Variants in ADGRL3 observed in about 807,000 individuals in gnomAD.
ADGRL3 encodes the protein adhesion G protein-coupled receptor L3, also known as calcium-independent alpha-latrotoxin receptor 3.
Under a neutral mutation model 153.5 loss-of-function variants are expected in ADGRL3, and 62 were observed. The ratio of observed to expected loss-of-function variants is 0.40; its 90% confidence interval spans 0.33 to 0.50. The LOEUF (loss-of-function observed/expected upper bound fraction) is 0.50. Ranked by LOEUF, ADGRL3 falls within the 20% of genes least tolerant of loss-of-function variation. The pLI, the probability that ADGRL3 is intolerant of heterozygous loss-of-function variation, is 0.47. For missense variants in ADGRL3, 1,641 were observed against 1,859.4 expected, an observed-to-expected ratio of 0.88 and a Z score of 2.16; for synonymous variants, 710 against 672.5, an observed-to-expected ratio of 1.06 and a Z score of -0.86.
intron 5 of ADGRL3, among the ~76,000 whole-genome samples, chr4:61,665,198 G>T (rs1487466238): frequency 6.6e-6 from 1 of 152,116 alleles, no homozygotes; most frequent in Non-Finnish European, 1.5e-5. Context: ...ATAACCAGAG[G>T]TTAAGAGTTC....
intron 2 of ADGRL3, among the ~76,000 whole-genome samples, chr4:61,445,092 A>G (rs1578895504): frequency 6.6e-6 from 1 of 152,264 alleles, no homozygotes; most frequent in East Asian, 1.9e-4. Context: ...TGTGGAGGAT[A>G]ATTTCACTGT....
At chr4:61,634,697 A>G (rs1343973790) in intron 5 of ADGRL3, among the ~76,000 whole-genome samples, 3 of 152,158 alleles carry the variant, frequency 2.0e-5, no homozygotes, top group Admixed American at 6.6e-5. Context: ...TTTATTTAAG[A>G]TGTAGAAAGT....
intron 5 of ADGRL3, among the ~76,000 whole-genome samples, chr4:61,610,981 A>G (rs1002014104): frequency 2.6e-5 from 4 of 152,148 alleles, no homozygotes; most frequent in Non-Finnish European, 5.9e-5. Context: ...CTTTCCCCAC[A>G]CGAGACCATT....
chr4:61,420,358 A>G (rs888178867), intron 2 of ADGRL3: 6 of 148,384 alleles, frequency 4.0e-5, no homozygotes, highest in African/African-American at 1.2e-4. Context: ...TATTTTTATC[A>G]TGATGAACCC....
chr4:61,399,799 C>G (rs564762679), intron 2 of ADGRL3, among the ~76,000 whole-genome samples: 41 of 151,724 alleles, frequency 2.7e-4, no homozygotes, highest in African/African-American at 9.6e-4. Context: ...ACTTAACCTG[C>G]TTTCTTTGGG....
intron 21 of ADGRL3, among the ~76,000 whole-genome samples, chr4:62,009,544 A>G (rs574153954): frequency 1.3e-3 from 196 of 152,302 alleles, no homozygotes; most frequent in African/African-American, 4.6e-3. Context: ...GAGACTAAAT[A>G]GAAATGTACT....
intron 1 of ADGRL3, among the ~76,000 whole-genome samples, chr4:61,351,962 C>T (rs1049969883): frequency 2.0e-5 from 3 of 152,072 alleles, no homozygotes; most frequent in Non-Finnish European, 4.4e-5. Context: ...ATTCATAAGG[C>T]TATACCTGTG....
intron 8 of ADGRL3, among the ~76,000 whole-genome samples, chr4:61,810,487 A>G (rs1041423951): frequency 6.6e-6 from 1 of 152,206 alleles, no homozygotes; most frequent in Non-Finnish European, 1.5e-5. Flanking sequence ...GTACAGGGAA[A>G]GTATTGACAG....
intron 8 of ADGRL3, among the ~76,000 whole-genome samples, chr4:61,803,051 C>T (rs1176329275): frequency 1.3e-5 from 2 of 152,152 alleles, no homozygotes; most frequent in East Asian, 3.9e-4. Context: ...CTAGTGGTAT[C>T]AGTGAGAATC....
intron 9 of ADGRL3, among the ~76,000 whole-genome samples, chr4:61,882,457 C>G (rs2098514114): frequency 6.6e-6 from 1 of 152,200 alleles, no homozygotes; most frequent in Non-Finnish European, 1.5e-5. Flanking sequence ...CTCTCCCATT[C>G]AGTCACTCTT....
At chr4:61,284,785 G>T (rs1371617087) in intron 1 of ADGRL3, among the ~76,000 whole-genome samples, 1 of 151,586 alleles carries the variant, frequency 6.6e-6, no homozygotes, top group Non-Finnish European at 1.5e-5. Flanking sequence ...ATTATCTTGT[G>T]GGGGAGGGGG....
At chr4:61,208,410 A>C (rs958658672) in intron 1 of ADGRL3, among the ~76,000 whole-genome samples, 6 of 152,194 alleles carry the variant, frequency 3.9e-5, no homozygotes, top group African/African-American at 1.4e-4. Flanking sequence ...TTCCTGGTGC[A>C]TAATAATAAC....
intron 2 of ADGRL3, among the ~76,000 whole-genome samples, chr4:61,447,557 A>G (rs1013271027): frequency 5.3e-5 from 8 of 152,180 alleles, no homozygotes; most frequent in Non-Finnish European, 7.3e-5. Context: ...AGATTTTTGG[A>G]TAACAGACTG....
intron 8 of ADGRL3, among the ~76,000 whole-genome samples, chr4:61,791,625 C>G (rs2097342845): frequency 6.6e-6 from 1 of 152,204 alleles, no homozygotes; most frequent in South Asian, 2.1e-4. Context: ...TAGGCAGTGT[C>G]CCAGTAGGGA....
chr4:61,460,963 G>A (rs768539496), intron 2 of ADGRL3, among the ~76,000 whole-genome samples: 4 of 152,110 alleles, frequency 2.6e-5, no homozygotes, highest in Non-Finnish European at 4.4e-5. Flanking sequence ...CCAGCTACTC[G>A]GGAGGCTGAG....
intron 21 of ADGRL3, among the ~76,000 whole-genome samples, chr4:62,013,264 G>A (rs1457181918): frequency 6.6e-6 from 1 of 152,162 alleles, no homozygotes; most frequent in Non-Finnish European, 1.5e-5. Context: ...GGGCACCGCA[G>A]TGGCTCACGC....
chr4:61,532,644 T>A (rs2098630100), intron 4 of ADGRL3, among the ~76,000 whole-genome samples: 1 of 150,898 alleles, frequency 6.6e-6, no homozygotes, highest in Non-Finnish European at 1.5e-5. Context: ...CCAATTAGGA[T>A]GATGCCTGTT....
intron 1 of ADGRL3, among the ~76,000 whole-genome samples, chr4:61,253,218 G>A (rs190758178): frequency 6.6e-6 from 1 of 152,144 alleles, no homozygotes; most frequent in Non-Finnish European, 1.5e-5. Flanking sequence ...CCAGAAATTT[G>A]CAAACACAGC....
chr4:61,569,414 T>C (rs1373181723), intron 4 of ADGRL3, among the ~76,000 whole-genome samples: 2 of 152,120 alleles, frequency 1.3e-5, no homozygotes, highest in African/African-American at 4.8e-5. Flanking sequence ...CTCTACCTAT[T>C]AGCAGTCACT....
Sources: gnomAD v4.1 joint callset for allele counts (sites outside exome capture counted in the v4.1 genomes callset) on GRCh38, gnomAD v4.1.1 for gene constraint, MANE v1.5 for transcripts, NCBI Gene and HGNC (gene_info 2026-07-23, HGNC 2026-07-21) for gene names.